The following DLG2 variants were observed in gnomAD, a reference collection of about 807,000 sequenced individuals.
DLG2 encodes the protein disks large homolog 2.
DLG2 carries 45 observed loss-of-function variants against 132.5 expected under a neutral mutation model. The observed-to-expected ratio is 0.34, with a 90% confidence interval of 0.27 to 0.44. The LOEUF (loss-of-function observed/expected upper bound fraction) is 0.44. Among genes scored for constraint, DLG2 ranks in the 20% least tolerant of loss-of-function variants. The pLI, the probability that DLG2 is intolerant of heterozygous loss-of-function variation, is 1.00. For synonymous variants in DLG2, 424 were observed against 419.6 expected, an observed-to-expected ratio of 1.01 and a Z score of -0.13; for missense variants, 1,045 against 1,196.9, an observed-to-expected ratio of 0.87 and a Z score of 1.87.
chr11:85,210,808 T>G (rs1353553485), intron 4 of DLG2, among the ~76,000 whole-genome samples: 1 of 152,106 alleles, frequency 6.6e-6, no homozygotes, highest in African/African-American at 2.4e-5. Context: ...TGAAACTTCT[T>G]TAAAACTGCT....
At chr11:85,534,316 T>A (rs1345558319) in intron 3 of DLG2, among the ~76,000 whole-genome samples, 2 of 152,170 alleles carry the variant, frequency 1.3e-5, no homozygotes, top group Non-Finnish European at 2.9e-5. Flanking sequence ...AAAAAAGGTC[T>A]TTTTTATTTC....
chr11:84,131,137 GT>G (rs894362111), intron 9 of DLG2, among the ~76,000 whole-genome samples: 4 of 152,052 alleles, frequency 2.6e-5, no homozygotes, highest in African/African-American at 7.2e-5. Context: ...GGTAAAGCTG[GT>G]TTTAAAAGAA....
chr11:85,140,825 C>G (rs2076421649), intron 5 of DLG2, among the ~76,000 whole-genome samples: 1 of 151,918 alleles, frequency 6.6e-6, no homozygotes, highest in African/African-American at 2.4e-5. Flanking sequence ...TGACACAGAA[C>G]ATGTGAAATT....
chr11:85,535,257 G>GA, intron 3 of DLG2, among the ~76,000 whole-genome samples: 1 of 151,786 alleles, frequency 6.6e-6, no homozygotes, highest in Non-Finnish European at 1.5e-5. Context: ...GGAGAAAAAA[G>GA]AAAAAAATAA....
At chr11:84,869,123 C>G (rs1378519413) in intron 6 of DLG2, among the ~76,000 whole-genome samples, 1 of 152,210 alleles carries the variant, frequency 6.6e-6, no homozygotes, top group Non-Finnish European at 1.5e-5. Context: ...CACTATTTCT[C>G]TGCATCTGGC....
intron 4 of DLG2, among the ~76,000 whole-genome samples, chr11:85,195,258 G>A (rs769681402): frequency 3.9e-5 from 6 of 152,172 alleles, no homozygotes; most frequent in Non-Finnish European, 7.4e-5. Flanking sequence ...GTGCACTGCA[G>A]TAAGAGTCAG....
At chr11:84,626,198 T>A (rs757355247) in intron 6 of DLG2, among the ~76,000 whole-genome samples, 1 of 152,230 alleles carries the variant, frequency 6.6e-6, no homozygotes, top group Non-Finnish European at 1.5e-5. Flanking sequence ...AAAGAACATA[T>A]GTATAACTTA....
At chr11:85,188,626 A>C (rs1022381412) in intron 4 of DLG2, among the ~76,000 whole-genome samples, 3 of 152,234 alleles carry the variant, frequency 2.0e-5, no homozygotes, top group Non-Finnish European at 4.4e-5. Context: ...GTATGACTAT[A>C]ATGACTCAAC....
intron 18 of DLG2, chr11:83,651,825 G>A (rs1453806385): frequency 4.2e-6 from 2 of 471,108 alleles, no homozygotes; most frequent in Middle Eastern, 3.2e-4. Flanking sequence ...GCATGTGAAA[G>A]ATTTGCTCCC....
chr11:84,596,788 G>C (rs916170317), intron 6 of DLG2, among the ~76,000 whole-genome samples: 1 of 152,102 alleles, frequency 6.6e-6, no homozygotes, highest in Non-Finnish European at 1.5e-5. Flanking sequence ...ACGAAACTGA[G>C]GTTGAACTGT....
chr11:83,663,951 T>C (rs909281056), intron 18 of DLG2, among the ~76,000 whole-genome samples: 1 of 152,244 alleles, frequency 6.6e-6, no homozygotes, highest in Non-Finnish European at 1.5e-5. Context: ...ACATTTGGAA[T>C]CAAACTGATC....
intron 18 of DLG2, among the ~76,000 whole-genome samples, chr11:83,714,530 G>A (rs754280761): frequency 6.6e-6 from 1 of 152,136 alleles, no homozygotes; most frequent in Non-Finnish European, 1.5e-5. Context: ...TTGAATCTCA[G>A]GATATATTGA....
At chr11:84,755,376 G>A (rs2066721059) in intron 6 of DLG2, among the ~76,000 whole-genome samples, 1 of 152,132 alleles carries the variant, frequency 6.6e-6, no homozygotes, top group South Asian at 2.1e-4. Flanking sequence ...CTGGGCCTGT[G>A]GTTCTGGACA....
rs533806959 is a variant in DLG2, at chr11:83,514,988, C to CT, written c.2193+17719dup. ...ATCAGGGATATTGGTCTAAAATTCT[C>CT]TTTTTTTGTTGTGTCTCTGCCCAGC... On this transcript the variant is annotated intron_variant, in intron 21 of 27. Transcript: ENST00000376104. 9.4e-4 allele frequency among the ~76,000 whole-genome samples: 143 copies of CT among 152,168 alleles called. 2 individuals carry two copies. The highest frequency in any genetic ancestry group is 6.9e-3 in the South Asian group (33 of 4,810).
intron 6 of DLG2, among the ~76,000 whole-genome samples, chr11:84,879,512 G>A (rs891550729): frequency 6.6e-6 from 1 of 152,058 alleles, no homozygotes; most frequent in African/African-American, 2.4e-5. Context: ...GTTTGTGTGT[G>A]GGTGGTATTC....
chr11:84,083,654 G>T (rs1009879660), intron 10 of DLG2, among the ~76,000 whole-genome samples: 1 of 152,160 alleles, frequency 6.6e-6, no homozygotes, highest in Non-Finnish European at 1.5e-5. Flanking sequence ...TCTGTATTGT[G>T]TACTTGATCC....
chr11:85,506,505 T>C (rs2093937325), intron 3 of DLG2, among the ~76,000 whole-genome samples: 1 of 152,230 alleles, frequency 6.6e-6, no homozygotes, highest in Admixed American at 6.5e-5. Flanking sequence ...AGTTGTTCAG[T>C]TTCTGCCTAG....
At chr11:85,106,925 C>T (rs2071848942) in intron 6 of DLG2, among the ~76,000 whole-genome samples, 1 of 151,942 alleles carries the variant, frequency 6.6e-6, no homozygotes, top group Non-Finnish European at 1.5e-5. Context: ...TTTCTATAGA[C>T]CATTATTAAA....
chr11:84,087,028 G>T (rs2096995795), intron 10 of DLG2, among the ~76,000 whole-genome samples: 1 of 151,996 alleles, frequency 6.6e-6, no homozygotes. Context: ...TCCCATTTTT[G>T]AATATAACAC....
Sources: allele counts gnomAD v4.1 joint callset (sites outside exome capture counted in the v4.1 genomes callset), GRCh38; gene constraint gnomAD v4.1.1; transcripts MANE v1.5; gene names NCBI Gene and HGNC (gene_info 2026-07-23, HGNC 2026-07-21).